Variants in DGKI observed in about 807,000 individuals in gnomAD.
DGKI encodes diacylglycerol kinase iota, also known as DAG kinase iota.
In DGKI, 55 loss-of-function variants were observed where a neutral mutation model predicts 147.5. The ratio of observed to expected loss-of-function variants is 0.37; its 90% CI spans 0.30 to 0.47. The LOEUF (loss-of-function observed/expected upper bound fraction) is 0.47. Among genes scored for constraint, DGKI ranks in the 20% least tolerant of loss-of-function variants. DGKI has a pLI of 1.00. For synonymous variants in DGKI, 469 were observed against 477.1 expected (o/e 0.98, Z 0.22); for missense variants, 1,007 against 1,323.8 (o/e 0.76, Z 3.71).
rs530449133 is a variant in DGKI at position 137,844,560 on chromosome 7, G to A, written c.401+1902C>T. Among the ~76,000 whole-genome samples the A allele has an allele frequency of 2.6e-5, 4 of 152,312 alleles. No homozygotes were observed. The East Asian group carries it at 7.7e-4, about 29-fold the overall frequency. On this transcript the variant is annotated intron_variant, in intron 1 of 32. Transcript: ENST00000614521. ...GGAGACTGTAAAGCTTTATTTAAAA[G>A]GAAATGATGTTCACGAAGTAGAATC... is the stretch of plus-strand genomic sequence containing the variant.
chr7:137,568,508 C>T (rs948542492), intron 19 of DGKI, among the ~76,000 whole-genome samples: 6 of 152,114 alleles, frequency 3.9e-5, no homozygotes, highest in African/African-American at 1.4e-4. Context: ...TCAGTGGCTC[C>T]CATGTCTTCT....
At chr7:137,544,511 T>G (rs1266048148) in intron 20 of DGKI, among the ~76,000 whole-genome samples, 3 of 152,182 alleles carry the variant, frequency 2.0e-5, no homozygotes, top group African/African-American at 7.2e-5. Flanking sequence ...ACAGAGCAAG[T>G]GCAAAATAAA....
At chr7:137,766,413 G>A (rs1796015276) in intron 1 of DGKI, among the ~76,000 whole-genome samples, 1 of 152,186 alleles carries the variant, frequency 6.6e-6, no homozygotes, top group South Asian at 2.1e-4. Context: ...ACAGAGAAAT[G>A]GAGAGGTAGA....
At chr7:137,500,818 C>G (rs554797706) in intron 21 of DGKI, among the ~76,000 whole-genome samples, 6 of 152,174 alleles carry the variant, frequency 3.9e-5, no homozygotes, top group African/African-American at 1.2e-4. Flanking sequence ...AATGATCAAA[C>G]CAGGGTAATT....
chr7:137,458,200 G>C (rs951578074), intron 27 of DGKI, among the ~76,000 whole-genome samples: 6 of 152,084 alleles, frequency 3.9e-5, no homozygotes, highest in Admixed American at 2.6e-4. Context: ...TCACAAATCA[G>C]ACCTCACACA....
chr7:137,533,538 C>T (rs1817413711), intron 20 of DGKI, among the ~76,000 whole-genome samples: 1 of 151,968 alleles, frequency 6.6e-6, no homozygotes, highest in Non-Finnish European at 1.5e-5. Context: ...GGCAGCAAAC[C>T]AATGTATTTA....
At position 137,776,588 on chromosome 7, in the gene DGKI, G is replaced by T. The variant is rs186629519; in HGVS notation, c.401+69874C>A. ...TAAGTGTGGTTACCTCTGAGGGTAGGGGAAGAGGTGTATCTGAGGAAGGTG... is the reference window on the plus strand; with the variant it reads ...TAAGTGTGGTTACCTCTGAGGGTAGTGGAAGAGGTGTATCTGAGGAAGGTG... On this transcript the variant is annotated intron_variant, in intron 1 of 32. Transcript: ENST00000614521. Among the ~76,000 whole-genome samples, 104 of 152,306 alleles carry T rather than the reference G, an allele frequency of 6.8e-4. 1 individual carries two copies. Among genetic ancestry groups the T allele is most frequent in the African/African-American group, 2.5e-3 (102 of 41,572 alleles).
chr7:137,724,072 G>C (rs1794650200), intron 1 of DGKI, among the ~76,000 whole-genome samples: 1 of 152,080 alleles, frequency 6.6e-6, no homozygotes, highest in Admixed American at 6.6e-5. Context: ...AGGTAAGAGA[G>C]AGAGAGAGAG....
chr7:137,586,048 C>T (rs1819382138), intron 13 of DGKI, among the ~76,000 whole-genome samples: 1 of 152,026 alleles, frequency 6.6e-6, no homozygotes. Flanking sequence ...GTTAATTTGC[C>T]CAAAGGTCAA....
At position 137,391,265 on chromosome 7, in the gene DGKI, C is replaced by T; in HGVS notation, c.3129G>A (p.Gln1043=). The T allele has an allele frequency of 6.2e-7, 1 of 1,613,790 alleles. No homozygotes were observed. The highest frequency in any genetic ancestry group is 1.7e-5 in the Admixed American group (1 of 60,004). The change falls in exon 33 of 33, where the codon CAG becomes CAA. Residue 1043 remains glutamine, a synonymous_variant. Coordinates refer to ENST00000614521, the MANE Select transcript of DGKI (RefSeq NM_001321708.2). ...PDLAAYLESR[Q]NYKVIGHEDL... ...CCTCATGGCCAATGACCTTATAGTTCTGACGGCTTTCTAGGTAAGCAGCCA... is the reference window on the plus strand; with the variant it reads ...CCTCATGGCCAATGACCTTATAGTTTTGACGGCTTTCTAGGTAAGCAGCCA...
At chr7:137,665,977 C>A (rs118091137) in intron 3 of DGKI, among the ~76,000 whole-genome samples, 8 of 152,066 alleles carry the variant, frequency 5.3e-5, no homozygotes, top group Non-Finnish European at 7.4e-5. Context: ...GCTAGGATTG[C>A]GTTAATTCAA....
chr7:137,500,710 G>T (rs1816141466), intron 21 of DGKI, among the ~76,000 whole-genome samples: 1 of 152,026 alleles, frequency 6.6e-6, no homozygotes, highest in South Asian at 2.1e-4. Flanking sequence ...AATGAAAGGT[G>T]CCTAGAGTTG....
At chr7:137,713,795 C>T (rs1232536994) in intron 1 of DGKI, among the ~76,000 whole-genome samples, 1 of 152,144 alleles carries the variant, frequency 6.6e-6, no homozygotes, top group Admixed American at 6.5e-5. Flanking sequence ...GCATACATCA[C>T]CATCTCTGAC....
At chr7:137,752,289 A>C (rs1474386964) in intron 1 of DGKI, among the ~76,000 whole-genome samples, 1 of 152,156 alleles carries the variant, frequency 6.6e-6, no homozygotes, top group Non-Finnish European at 1.5e-5. Context: ...CAGATCTCAC[A>C]ATCCCTAAAA....
chr7:137,836,451 T>C (rs1036781305), intron 1 of DGKI, among the ~76,000 whole-genome samples: 1 of 152,188 alleles, frequency 6.6e-6, no homozygotes, highest in African/African-American at 2.4e-5. Flanking sequence ...GACCAGACTC[T>C]TCTAAGAATA....
intron 5 of DGKI, among the ~76,000 whole-genome samples, chr7:137,647,611 T>A (rs1821875097): frequency 6.6e-6 from 1 of 152,214 alleles, no homozygotes; most frequent in East Asian, 1.9e-4. Flanking sequence ...ACGGCAATTC[T>A]AGAATAACCT....
intron 8 of DGKI, among the ~76,000 whole-genome samples, chr7:137,617,235 C>T (rs1489710399): frequency 7.3e-6 from 1 of 136,886 alleles, no homozygotes; most frequent in Non-Finnish European, 1.6e-5. Flanking sequence ...AATTTGGAAA[C>T]ATGGTAAGAA....
At chr7:137,808,614 T>C (rs888986134) in intron 1 of DGKI, among the ~76,000 whole-genome samples, 1 of 152,118 alleles carries the variant, frequency 6.6e-6, no homozygotes, top group African/African-American at 2.4e-5. Context: ...GAGGCTGCAA[T>C]ATAACAAGGA....
At chr7:137,552,253 T>C (rs1206951700) in intron 20 of DGKI, 116 bp downstream of exon 20, 1 of 1,013,390 alleles carries the variant, frequency 9.9e-7, no homozygotes, top group South Asian at 1.6e-5. Flanking sequence ...AACTACTGAG[T>C]CTCCTGGACT....
Sources: allele counts gnomAD v4.1 joint callset (sites outside exome capture counted in the v4.1 genomes callset), GRCh38; gene constraint gnomAD v4.1.1; transcripts MANE v1.5; gene names NCBI Gene and HGNC (gene_info 2026-07-23, HGNC 2026-07-21).